FHIT: variants seen among roughly 807,000 people sequenced by gnomAD.
FHIT encodes the protein fragile histidine triad diadenosine triphosphatase.
A neutral mutation model predicts 17.9 loss-of-function variants in FHIT; 19 were observed. That is an observed-to-expected ratio of 1.06 (90% CI 0.74 to 1.56). The LOEUF is 1.56. Ranked by LOEUF, FHIT falls within the 40% of genes most tolerant of loss-of-function variation. FHIT has a pLI of 0.00. For synonymous variants in FHIT, 81 were observed against 69.7 expected, an observed-to-expected ratio of 1.16 and a Z score of -0.81; for missense variants, 248 against 189.2, an observed-to-expected ratio of 1.31 and a Z score of -1.82.
chr3:60,786,318 T>A (rs56129149), intron 4 of FHIT, among the ~76,000 whole-genome samples: 2 of 152,036 alleles, frequency 1.3e-5, no homozygotes, highest in African/African-American at 2.4e-5. Context: ...AAGTAACTTA[T>A]GGAAATGAAA....
Position 60,866,557 on chromosome 3 carries a change from A to G in FHIT, c.-110-44546T>C, listed in dbSNP as rs74772682. Among the ~76,000 whole-genome samples the G allele has an allele frequency of 4.3e-3, 662 of 152,348 alleles. 5 individuals carry two copies. The highest frequency in any genetic ancestry group is 0.014 in the African/African-American group (572 of 41,584). On this transcript the variant is annotated intron_variant, in intron 3 of 9. Transcript: ENST00000492590. The stretch of plus-strand genomic sequence containing the variant: ...GCCCCAGTCAAGCCTTCAGATGACT[A>G]TAGAGCCAGAACCACTCTACTAAGC...
At chr3:60,533,279 G>A (rs551449304) in intron 5 of FHIT, among the ~76,000 whole-genome samples, 5 of 152,186 alleles carry the variant, frequency 3.3e-5, no homozygotes, top group Non-Finnish European at 7.3e-5. Context: ...GAAAAGGTGG[G>A]ATTTCGGCAC....
At chr3:59,851,263 C>T (rs916527786) in intron 8 of FHIT, among the ~76,000 whole-genome samples, 7 of 152,126 alleles carry the variant, frequency 4.6e-5, no homozygotes, top group African/African-American at 1.7e-4. Context: ...CTAACTAGAA[C>T]TTTTATGGCT....
chr3:61,238,042 C>A (rs545361574), intron 1 of FHIT, among the ~76,000 whole-genome samples: 1 of 152,148 alleles, frequency 6.6e-6, no homozygotes, highest in African/African-American at 2.4e-5. Context: ...TTTTGTTTAT[C>A]ATAGGCCATG....
At chr3:60,265,950 C>A (rs1706553173) in intron 5 of FHIT, among the ~76,000 whole-genome samples, 2 of 151,874 alleles carry the variant, frequency 1.3e-5, no homozygotes, top group Non-Finnish European at 2.9e-5. Context: ...AGAACCCTTA[C>A]ATCTTGCAGG....
At chr3:60,703,263 C>T (rs532870804) in intron 4 of FHIT, among the ~76,000 whole-genome samples, 14 of 152,212 alleles carry the variant, frequency 9.2e-5, no homozygotes, top group South Asian at 2.1e-4. Flanking sequence ...GAGGGCCACC[C>T]CTTAGAGCCT....
At chr3:60,305,882 G>A (rs529881684) in intron 5 of FHIT, among the ~76,000 whole-genome samples, 2 of 151,954 alleles carry the variant, frequency 1.3e-5, no homozygotes, top group African/African-American at 2.4e-5. Flanking sequence ...TTATGAAGAC[G>A]GTTTTTGAAT....
chr3:60,026,506 A>G (rs570441527), intron 5 of FHIT, among the ~76,000 whole-genome samples: 2 of 152,012 alleles, frequency 1.3e-5, no homozygotes, highest in South Asian at 4.2e-4. Flanking sequence ...ACCCATCTCC[A>G]TTTTCTCATT....
At chr3:61,137,270 T>C (rs1222841335) in intron 2 of FHIT, among the ~76,000 whole-genome samples, 1 of 149,756 alleles carries the variant, frequency 6.7e-6, no homozygotes, top group Non-Finnish European at 1.5e-5. Flanking sequence ...CTCTTTTTTT[T>C]TTTTTTTTTT....
intron 5 of FHIT, among the ~76,000 whole-genome samples, chr3:60,376,141 A>T (rs1409625574): frequency 6.6e-6 from 1 of 152,072 alleles, no homozygotes; most frequent in Non-Finnish European, 1.5e-5. Context: ...TATTTGTTTA[A>T]TGTCCATCTT....
At chr3:60,281,222 G>C (rs1576415511) in intron 5 of FHIT, among the ~76,000 whole-genome samples, 1 of 152,134 alleles carries the variant, frequency 6.6e-6, no homozygotes, top group East Asian at 1.9e-4. Flanking sequence ...TAGATATTCT[G>C]TGTTCATGGA....
intron 3 of FHIT, among the ~76,000 whole-genome samples, chr3:60,851,621 T>C (rs1372864716): frequency 2.0e-5 from 3 of 152,154 alleles, no homozygotes; most frequent in Non-Finnish European, 2.9e-5. Flanking sequence ...TGCAACTCAA[T>C]TATATTTAAG....
At position 61,239,690 on chromosome 3, in the gene FHIT, A is replaced by G. The variant is rs13100037; in HGVS notation, c.-213+11611T>C. 9.4e-3 allele frequency among the ~76,000 whole-genome samples: 1,408 copies of G among 149,170 alleles called. 13 individuals carry two copies. The highest frequency in any genetic ancestry group is 0.021 in the Middle Eastern group (6 of 290). On this transcript the variant is annotated intron_variant, in intron 1 of 9. Transcript: ENST00000492590. ...TATAGATCATCCCATTTAATTCATA[A>G]CAATCTACGAAGTGGGTACTATTAT... is the stretch of plus-strand genomic sequence containing the variant.
chr3:60,309,743 A>C (rs1233634759), intron 5 of FHIT, among the ~76,000 whole-genome samples: 1 of 151,916 alleles, frequency 6.6e-6, no homozygotes, highest in Non-Finnish European at 1.5e-5. Context: ...TTTCCTGTTT[A>C]ACTTTTTTTT....
chr3:59,751,616 T>C (rs914658903), intron 9 of FHIT: 2 of 223,580 alleles, frequency 8.9e-6, no homozygotes, highest in Non-Finnish European at 8.9e-6. Flanking sequence ...ACCTATGATC[T>C]CTCAACAGTT....
chr3:59,935,161 T>C (rs556256516), intron 7 of FHIT, among the ~76,000 whole-genome samples: 23 of 152,264 alleles, frequency 1.5e-4, no homozygotes, highest in Non-Finnish European at 2.8e-4. Context: ...TGCTTGCTGC[T>C]GGGTGGGAAG....
At chr3:61,087,235 T>C (rs1418835630) in intron 2 of FHIT, among the ~76,000 whole-genome samples, 1 of 152,180 alleles carries the variant, frequency 6.6e-6, no homozygotes, top group Non-Finnish European at 1.5e-5. Context: ...AAATAGAGTT[T>C]GAACTTTCCA....
chr3:61,215,726 T>G (rs887614658), intron 1 of FHIT, among the ~76,000 whole-genome samples: 6 of 152,030 alleles, frequency 3.9e-5, no homozygotes, highest in South Asian at 2.1e-4. Context: ...GAGGCATCAC[T>G]CTACCTGACT....
intron 5 of FHIT, among the ~76,000 whole-genome samples, chr3:60,437,774 T>C (rs2030405923): frequency 6.6e-6 from 1 of 151,982 alleles, no homozygotes; most frequent in Non-Finnish European, 1.5e-5. Flanking sequence ...ACAATCAACA[T>C]CTAAATTCAG....
Sources: allele counts gnomAD v4.1 joint callset (sites outside exome capture counted in the v4.1 genomes callset), GRCh38; gene constraint gnomAD v4.1.1; transcripts MANE v1.5; gene names NCBI Gene and HGNC (gene_info 2026-07-23, HGNC 2026-07-21).